The following CCDC92B variants were observed in gnomAD, a reference collection of about 807,000 sequenced individuals.
The protein encoded by CCDC92B is coiled-coil domain containing 92B, also known as coiled-coil domain-containing 92B.
Under a neutral mutation model 5.6 loss-of-function variants are expected in CCDC92B, and 2 were observed. That is an observed-to-expected ratio of 0.36 (90% CI 0.15 to 1.12). The LOEUF is 1.12. CCDC92B is among the 50% of genes most tolerant of loss of function. CCDC92B has a pLI of 0.40. For missense variants in CCDC92B, 271 were observed against 262.2 expected (o/e 1.03, Z -0.23); for synonymous variants, 115 against 122.3 (o/e 0.94, Z 0.39).
intron 2 of CCDC92B, among the ~76,000 whole-genome samples, chr17:2,734,239 C>A (rs1009518257): frequency 3.9e-5 from 6 of 152,122 alleles, no homozygotes; most frequent in African/African-American, 1.4e-4. Context: ...TACGCAGCCT[C>A]CAGGGAGTTG....
chr17:2,725,234 C>T lies in CCDC92B; in HGVS notation c.179-234G>A, dbSNP rs901875977. Among the ~76,000 whole-genome samples the T allele has an allele frequency of 3.8e-4, 58 of 150,856 alleles. 1 individual carries two copies. Among genetic ancestry groups the T allele is most frequent in the African/African-American group, 1.3e-3 (54 of 41,232 alleles). Reference sequence around the variant, plus strand: ...ACTAAAAATACAAAAATTAGCCGGGCGTGGTGGTGGTGGTGGTGGGCGCCT... The same window carrying T: ...ACTAAAAATACAAAAATTAGCCGGGTGTGGTGGTGGTGGTGGTGGGCGCCT... On this transcript the variant is annotated intron_variant, in intron 3 of 3. Coordinates refer to ENST00000614400, the MANE Select transcript of CCDC92B (RefSeq NM_001355573.2).
intron 1 of CCDC92B, chr17:2,748,408 T>C: frequency 1.0e-6 from 1 of 985,244 alleles, no homozygotes; most frequent in Non-Finnish European, 1.2e-6. Flanking sequence ...AGCACCACAG[T>C]CTGCCATATT....
chr17:2,742,077 T>A (rs930194200), intron 1 of CCDC92B, among the ~76,000 whole-genome samples: 2 of 150,824 alleles, frequency 1.3e-5, no homozygotes, highest in African/African-American at 5.0e-5. Context: ...GATTTGCATT[T>A]TTTATTTTTT....
intron 3 of CCDC92B, 24 bp downstream of exon 3, chr17:2,730,422 C>G (rs530006274): frequency 2.0e-6 from 2 of 984,862 alleles, no homozygotes; most frequent in African/African-American, 3.5e-5. Context: ...CATGACGCTT[C>G]CCCACCAGTG....
At chr17:2,745,625 C>T (rs143091797) in intron 1 of CCDC92B, among the ~76,000 whole-genome samples, 1 of 152,302 alleles carries the variant, frequency 6.6e-6, no homozygotes, top group East Asian at 1.9e-4. Flanking sequence ...AAAAATCTCT[C>T]TGTCTGGCTG....
intron 2 of CCDC92B, among the ~76,000 whole-genome samples, chr17:2,731,458 A>T (rs896845700): frequency 1.3e-5 from 2 of 152,190 alleles, no homozygotes; most frequent in African/African-American, 4.8e-5. Flanking sequence ...CTGCAGGGAC[A>T]CAGTCTGGTG....
chr17:2,736,549 C>G (rs1343054835), intron 1 of CCDC92B, among the ~76,000 whole-genome samples: 2 of 151,888 alleles, frequency 1.3e-5, no homozygotes, highest in African/African-American at 4.8e-5. Flanking sequence ...GAGTTTGAGA[C>G]CAGCCTGGGT....
chr17:2,747,871 T>C (rs944182710), intron 1 of CCDC92B, among the ~76,000 whole-genome samples: 2 of 152,242 alleles, frequency 1.3e-5, no homozygotes, highest in Non-Finnish European at 2.9e-5. Context: ...ATAATACTTA[T>C]AATAATAAGT....
intron 1 of CCDC92B, among the ~76,000 whole-genome samples, chr17:2,747,324 TTAAG>T (rs2070998420): frequency 6.6e-6 from 1 of 152,238 alleles, no homozygotes. Flanking sequence ...TTAAAGTTCT[TTAAG>T]TATGTATGTT....
At chr17:2,747,089 T>C (rs1277147380) in intron 1 of CCDC92B, among the ~76,000 whole-genome samples, 2 of 152,152 alleles carry the variant, frequency 1.3e-5, no homozygotes, top group Non-Finnish European at 2.9e-5. Flanking sequence ...GCCACCTCTT[T>C]CTTTCCCTCA....
intron 1 of CCDC92B, 108 bp from the exon 2 acceptor site, chr17:2,735,276 G>T: frequency 1.4e-6 from 1 of 720,422 alleles, no homozygotes; most frequent in South Asian, 6.2e-5. Flanking sequence ...CCACCAGGAA[G>T]ATGATTCTGC....
In CCDC92B at chr17:2,749,079, T is replaced by TG. The variant is rs879824978; in HGVS notation, c.-24+331dup. On this transcript the variant is annotated intron_variant, in intron 1 of 3. Coordinates refer to ENST00000614400, the MANE Select transcript of CCDC92B (RefSeq NM_001355573.2). ...TATGACTCCCAGGGAAGGCAGGGGT[T>TG]GGGGGGGGGATGTGGAGACTAAGGA... Among the ~76,000 whole-genome samples, 1,110 of 150,488 alleles carry TG rather than the reference T, an allele frequency of 7.4e-3. 10 individuals are homozygous for TG. Among genetic ancestry groups the TG allele is most frequent in the African/African-American group, 0.019 (771 of 41,144 alleles).
rs2071028690 is a variant in CCDC92B, at chr17:2,749,447, G to A, written c.-60C>T. The A allele has an allele frequency of 6.6e-6, 1 of 151,726 alleles. No homozygotes were observed. Among genetic ancestry groups the A allele is most frequent in the Admixed American group, 6.6e-5 (1 of 15,228 alleles). 9.4% of individuals were successfully genotyped at this position (151,726 alleles called of 1,614,324 possible). A position where few individuals can be genotyped will look rare whatever the true frequency, so the allele number is the denominator to read the frequency against. ...GGGAGTCACCGGCCGGCGGGGCCCT[G>A]GGTCCGGGCCGGGCTGGGTGGGGGC... On this transcript the variant is annotated 5_prime_UTR_variant, in exon 1 of 4. Coordinates refer to ENST00000614400, the MANE Select transcript of CCDC92B (RefSeq NM_001355573.2).
intron 1 of CCDC92B, chr17:2,748,106 GAGA>G (rs774207703): frequency 1.9e-4 from 99 of 529,184 alleles, no homozygotes; most frequent in Non-Finnish European, 3.2e-4. Flanking sequence ...TCCCAAAGGG[GAGA>G]AGATCAGCCT....
chr17:2,727,325 C>T (rs1349001560), intron 3 of CCDC92B, among the ~76,000 whole-genome samples: 1 of 152,236 alleles, frequency 6.6e-6, no homozygotes, highest in Admixed American at 6.5e-5. Flanking sequence ...ATTGCACCAG[C>T]ATCCCTGGAG....
At chr17:2,734,361 T>C (rs2070834294) in intron 2 of CCDC92B, among the ~76,000 whole-genome samples, 1 of 152,034 alleles carries the variant, frequency 6.6e-6, no homozygotes, top group South Asian at 2.1e-4. Context: ...CTGCTCTACC[T>C]TAATACCACC....
At position 2,727,738 on chromosome 17, in the gene CCDC92B, T is replaced by G. The variant is rs540246131; in HGVS notation, c.178+2708A>C. On this transcript the variant is annotated intron_variant, in intron 3 of 3. Coordinates refer to ENST00000614400, the MANE Select transcript of CCDC92B (RefSeq NM_001355573.2). ...ACTTGGGAGGCTGAAGTAGGAGAAT[T>G]GCTTGACCCTGGGAGGCGGAGGTTG... Among the ~76,000 whole-genome samples the G allele has an allele frequency of 2.3e-3, 353 of 151,126 alleles. 1 individual carries two copies. The highest frequency in any genetic ancestry group is 7.5e-3 in the African/African-American group (308 of 41,142).
intron 2 of CCDC92B, among the ~76,000 whole-genome samples, chr17:2,732,969 C>T (rs1447599600): frequency 5.3e-5 from 8 of 150,210 alleles, no homozygotes; most frequent in East Asian, 2.0e-4. Context: ...GCCGAGATCA[C>T]GCCACTGCAC....
Position 2,723,892 on chromosome 17 carries a change from G to C in CCDC92B, c.*519C>G, listed in dbSNP as rs1054575943. ...GGACCTATCGGCAGGGTCAGGGTGG[G>C]GGTAGAAGGACCAGCCCCTAGCCTG... On this transcript the variant is annotated 3_prime_UTR_variant, in exon 4 of 4. Coordinates refer to ENST00000614400, the MANE Select transcript of CCDC92B (RefSeq NM_001355573.2). 9 of 973,578 alleles carry C rather than the reference G, an allele frequency of 9.2e-6. No individual in the cohort carries two copies. The African/African-American group carries it at 1.6e-4, about 17-fold the overall frequency. The allele number at this position is 973,578 out of a possible 1,614,324, so 60.3% of individuals were successfully genotyped here. A position where few individuals can be genotyped will look rare whatever the true frequency, so the allele number is the denominator to read the frequency against.
Sources: gnomAD v4.1 joint callset for allele counts (sites outside exome capture counted in the v4.1 genomes callset) on GRCh38, gnomAD v4.1.1 for gene constraint, MANE v1.5 for transcripts, NCBI Gene and HGNC (gene_info 2026-07-23, HGNC 2026-07-21) for gene names.